LDLRAD3: variants seen among roughly 807,000 people sequenced by gnomAD.
The protein encoded by LDLRAD3 is low-density lipoprotein receptor class A domain-containing protein 3.
LDLRAD3 carries 20 observed loss-of-function variants against 29.4 expected under a neutral mutation model. The observed-to-expected ratio is 0.68, with a 90% CI of 0.48 to 0.99. The LOEUF is 0.99. LDLRAD3 is among the 50% of genes least tolerant of loss of function. The pLI is 0.00. For synonymous variants in LDLRAD3, 157 were observed against 192.7 expected, an observed-to-expected ratio of 0.81 and a Z score of 1.53; for missense variants, 420 against 454.3, an observed-to-expected ratio of 0.92 and a Z score of 0.69.
intron 1 of LDLRAD3, among the ~76,000 whole-genome samples, chr11:35,986,008 G>A (rs967435609): frequency 6.9e-6 from 1 of 145,328 alleles, no homozygotes; most frequent in African/African-American, 2.8e-5. Flanking sequence ...AGGCCAGTCT[G>A]GACAGATGAG....
chr11:35,952,571 G>A (rs2133126586), intron 1 of LDLRAD3, among the ~76,000 whole-genome samples: 1 of 152,296 alleles, frequency 6.6e-6, no homozygotes, highest in Admixed American at 6.5e-5. Context: ...AGTTATTTCA[G>A]CACCATGACA....
chr11:36,025,353 C>T (rs1852150112), intron 1 of LDLRAD3, among the ~76,000 whole-genome samples: 1 of 151,696 alleles, frequency 6.6e-6, no homozygotes, highest in Admixed American at 6.6e-5. Flanking sequence ...GCACCCAGTT[C>T]CACTGAATTC....
chr11:36,011,966 G>A (rs1851960998), intron 1 of LDLRAD3, among the ~76,000 whole-genome samples: 2 of 152,170 alleles, frequency 1.3e-5, no homozygotes, highest in Non-Finnish European at 2.9e-5. Context: ...ATGACTGTGG[G>A]GAAGAAGGCA....
At chr11:36,008,384 G>A (rs1355709081) in intron 1 of LDLRAD3, among the ~76,000 whole-genome samples, 1 of 152,140 alleles carries the variant, frequency 6.6e-6, no homozygotes, top group Non-Finnish European at 1.5e-5. Context: ...CATGGAAGAC[G>A]GTAGCATTCC....
At chr11:36,223,645 A>C (rs1309824830) in intron 4 of LDLRAD3, among the ~76,000 whole-genome samples, 1 of 152,054 alleles carries the variant, frequency 6.6e-6, no homozygotes, top group Non-Finnish European at 1.5e-5. Context: ...GCTCGAGCCC[A>C]GGAGGTTGAA....
chr11:36,034,510 CT>C (rs1469433474), intron 1 of LDLRAD3, among the ~76,000 whole-genome samples: 23 of 152,134 alleles, frequency 1.5e-4, no homozygotes, highest in African/African-American at 5.5e-4. Context: ...TCCTGGAGTT[CT>C]CCAGTGAGCG....
intron 4 of LDLRAD3, among the ~76,000 whole-genome samples, chr11:36,136,193 C>G (rs1291195749): frequency 1.3e-5 from 2 of 152,178 alleles, no homozygotes; most frequent in Admixed American, 6.5e-5. Context: ...TGGCCTATCT[C>G]AGAAGGATTA....
rs1853263877 is a variant in LDLRAD3 at position 36,090,506 on chromosome 11, A to T, written c.320-7821A>T. ...GCTATCCACAGAAAGGTGGTGGTTG[A>T]AGCAGTGATACTGGACTTGTTCCCC... On this transcript the variant is annotated intron_variant, in intron 3 of 5. Coordinates refer to ENST00000315571, the MANE Select transcript of LDLRAD3 (RefSeq NM_174902.4). Among the ~76,000 whole-genome samples, 4 of 152,128 alleles carry T rather than the reference A, an allele frequency of 2.6e-5. No homozygotes were observed. In the South Asian group the frequency reaches 8.3e-4, roughly 32 times the overall value.
intron 1 of LDLRAD3, among the ~76,000 whole-genome samples, chr11:35,982,475 G>C (rs1385155812): frequency 6.6e-6 from 1 of 152,058 alleles, no homozygotes; most frequent in Admixed American, 6.6e-5. Context: ...TCCAAATATG[G>C]CCACATTCTG....
At chr11:36,145,410 C>T (rs1854174406) in intron 4 of LDLRAD3, among the ~76,000 whole-genome samples, 1 of 103,616 alleles carries the variant, frequency 9.7e-6, no homozygotes, top group African/African-American at 4.5e-5. Flanking sequence ...CCCAGCCAGC[C>T]ACCCCATCCG....
At position 36,131,435 on chromosome 11, in the gene LDLRAD3, C is replaced by T. The variant is rs926869343; in HGVS notation, c.454+32974C>T. ...TGAGCTGCCTGGCAGTGTCCTGGAA[C>T]GAGCCAGTTTGTAAAATAACTACTT... is the stretch of plus-strand genomic sequence containing the variant. On this transcript the variant is annotated intron_variant, in intron 4 of 5. Transcript: ENST00000315571. Among the ~76,000 whole-genome samples, 11 of 152,260 alleles carry T rather than the reference C, an allele frequency of 7.2e-5. No homozygotes were observed. In the South Asian group the frequency reaches 8.3e-4, roughly 11 times the overall value.
intron 4 of LDLRAD3, among the ~76,000 whole-genome samples, chr11:36,182,646 T>C: frequency 6.6e-6 from 1 of 152,190 alleles, no homozygotes; most frequent in Non-Finnish European, 1.5e-5. Flanking sequence ...TATCTGAAGT[T>C]CCACAAGCCC....
intron 4 of LDLRAD3, among the ~76,000 whole-genome samples, chr11:36,162,674 G>A (rs983711422): frequency 2.6e-5 from 4 of 152,210 alleles, no homozygotes; most frequent in East Asian, 3.8e-4. Context: ...GAGCTAAGCC[G>A]TGGTCCCTAA....
intron 4 of LDLRAD3, among the ~76,000 whole-genome samples, chr11:36,193,343 A>G (rs1190217908): frequency 6.6e-6 from 1 of 152,072 alleles, no homozygotes; most frequent in African/African-American, 2.4e-5. Context: ...GGCCACCAAA[A>G]TAGCTTATCT....
intron 4 of LDLRAD3, among the ~76,000 whole-genome samples, chr11:36,127,446 TA>T (rs1853854560): frequency 6.6e-6 from 1 of 152,226 alleles, no homozygotes; most frequent in South Asian, 2.1e-4. Flanking sequence ...TCACCATCTG[TA>T]AAATTGGGGT....
intron 4 of LDLRAD3, among the ~76,000 whole-genome samples, chr11:36,140,541 A>T (rs372462630): frequency 2.0e-5 from 3 of 151,972 alleles, no homozygotes; most frequent in African/African-American, 7.3e-5. Flanking sequence ...CGATCCTCCC[A>T]CCTCAGTCTC....
chr11:36,011,041 G>T (rs1851949038), intron 1 of LDLRAD3, among the ~76,000 whole-genome samples: 1 of 152,188 alleles, frequency 6.6e-6, no homozygotes, highest in African/African-American at 2.4e-5. Context: ...CTAACCTCAG[G>T]TGATCTGCCT....
At chr11:36,149,128 G>GT (rs1262231543) in intron 4 of LDLRAD3, among the ~76,000 whole-genome samples, 1 of 152,224 alleles carries the variant, frequency 6.6e-6, no homozygotes, top group African/African-American at 2.4e-5. Context: ...GTTCTGTTGA[G>GT]TACCAAGGTA....
At chr11:36,150,080 A>G (rs564322566) in intron 4 of LDLRAD3, among the ~76,000 whole-genome samples, 3 of 152,100 alleles carry the variant, frequency 2.0e-5, no homozygotes, top group Non-Finnish European at 4.4e-5. Flanking sequence ...ACCAGGCTGC[A>G]GGGGGTATCG....
Sources: gnomAD v4.1 joint callset for allele counts (sites outside exome capture counted in the v4.1 genomes callset) on GRCh38, gnomAD v4.1.1 for gene constraint, MANE v1.5 for transcripts, NCBI Gene and HGNC (gene_info 2026-07-23, HGNC 2026-07-21) for gene names.